LMO7: variants seen among roughly 807,000 people sequenced by gnomAD.
LMO7 encodes the protein LIM domain 7.
In LMO7, 120 loss-of-function variants were observed where a neutral mutation model predicts 206.5. The ratio of observed to expected loss-of-function variants is 0.58; its 90% confidence interval spans 0.50 to 0.68. LMO7 has a LOEUF of 0.68. LMO7 is among the 30% of genes least tolerant of loss of function. LMO7 has a pLI of 0.00. For missense variants in LMO7, 1,959 were observed against 1,957.9 expected (o/e 1.00, Z -0.01); for synonymous variants, 706 against 681.5 (o/e 1.04, Z -0.56).
intron 1 of LMO7, among the ~76,000 whole-genome samples, chr13:75,651,260 A>T (rs2139136556): frequency 6.6e-6 from 1 of 151,604 alleles, no homozygotes; most frequent in Admixed American, 6.6e-5. Context: ...CTTGATTATT[A>T]CCAAGTTATT....
At chr13:75,703,124 T>C (rs1031956578) in intron 1 of LMO7, among the ~76,000 whole-genome samples, 2 of 152,252 alleles carry the variant, frequency 1.3e-5, no homozygotes, top group African/African-American at 2.4e-5. Flanking sequence ...AGGAAGGCTC[T>C]TCCTCCAAAA....
At chr13:75,833,327 TG>T (rs2058841451) in intron 16 of LMO7, among the ~76,000 whole-genome samples, 162 bp downstream of exon 16, 1 of 152,136 alleles carries the variant, frequency 6.6e-6, no homozygotes, top group African/African-American at 2.4e-5. Context: ...GATTATTAGT[TG>T]GGGTTACAAA....
chr13:75,739,683 T>G (rs901424400), intron 3 of LMO7, among the ~76,000 whole-genome samples: 2 of 152,206 alleles, frequency 1.3e-5, no homozygotes. Flanking sequence ...TGTGACCTGC[T>G]CTATGTGGTG....
intron 2 of LMO7, among the ~76,000 whole-genome samples, chr13:75,723,438 A>G (rs949219157): frequency 5.3e-5 from 8 of 152,140 alleles, no homozygotes; most frequent in Non-Finnish European, 7.4e-5. Flanking sequence ...CATTGTGAAA[A>G]TCTTTGGAAA....
At chr13:75,805,295 T>C (rs2055296328) in intron 8 of LMO7, 184 bp from the exon 9 acceptor site, 2 of 940,862 alleles carry the variant, frequency 2.1e-6, no homozygotes, top group Non-Finnish European at 3.0e-6. Flanking sequence ...TATCTAGCTA[T>C]CCTTGAGTTA....
rs568217446 is a variant in LMO7, at chr13:75,694,535, A to G, written c.70-18647A>G. 3.8e-4 allele frequency among the ~76,000 whole-genome samples: 58 copies of G among 152,312 alleles called. 1 individual carries two copies. Among genetic ancestry groups the G allele is most frequent in the Non-Finnish European group, 7.8e-4 (53 of 68,032 alleles). On this transcript the variant is annotated intron_variant, in intron 1 of 30. Coordinates refer to ENST00000377534, the MANE Select transcript of LMO7 (RefSeq NM_001306080.2). ...TAGTAGAGGAGATTAAGGCAGAACA[A>G]TCCATAGGAGAATGTTGAGTGTCAC...
chr13:75,854,659 T>C (rs1233938819), intron 28 of LMO7, among the ~76,000 whole-genome samples: 2 of 152,118 alleles, frequency 1.3e-5, no homozygotes, highest in African/African-American at 4.8e-5. Context: ...CCTCCTCCCC[T>C]CTCTCCATGG....
intron 2 of LMO7, chr13:75,627,285 A>G (rs2034322849): frequency 6.6e-6 from 1 of 152,230 alleles, no homozygotes; most frequent in African/African-American, 2.4e-5. Context: ...ATTATAAAAT[A>G]GGCTTTGCAT....
intron 25 of LMO7, among the ~76,000 whole-genome samples, chr13:75,845,057 A>G (rs1432095330): frequency 1.3e-5 from 2 of 152,190 alleles, no homozygotes; most frequent in African/African-American, 4.8e-5. Context: ...TCAATAACTT[A>G]TAGTCTTCAT....
At position 75,800,857 on chromosome 13, in the gene LMO7, TA is replaced by T. The variant is rs2140925253; in HGVS notation, c.637del (p.Ile213SerfsTer3). ...GGTCATTGACAAGCTGCTCCTCTGATATCACGTTGAGAGGGGGGCGTGAAGG... is the reference window on the plus strand; with the variant it reads ...GGTCATTGACAAGCTGCTCCTCTGATTCACGTTGAGAGGGGGGCGTGAAGG... ...SRSLTSCSSD[I>X]TLRGGREGFE... On this transcript the variant is annotated frameshift_variant, in exon 7 of 31. Coordinates refer to ENST00000377534, the MANE Select transcript of LMO7 (RefSeq NM_001306080.2). LOFTEE classifies it high-confidence loss of function. 1.2e-6 allele frequency: 2 copies of T among 1,613,910 alleles called. No homozygotes were observed. The highest frequency in any genetic ancestry group is 4.5e-5 in the East Asian group (2 of 44,882).
intron 8 of LMO7, chr13:75,804,837 A>T (rs2055236389): frequency 9.2e-7 from 1 of 1,085,668 alleles, no homozygotes; most frequent in Non-Finnish European, 1.1e-6. Flanking sequence ...CATGCCATGT[A>T]ATGTTTTTCC....
In LMO7 at chr13:75,841,829, G is replaced by A. The variant is rs1595464449; in HGVS notation, c.3877G>A (p.Glu1293Lys). The A allele has an allele frequency of 7.4e-6, 12 of 1,613,716 alleles. No individual in the cohort carries two copies. The highest frequency in any genetic ancestry group is 1.3e-5 in the African/African-American group (1 of 74,888). Residue 1293 changes from glutamate to lysine, a missense_variant, in exon 24 of 31, where the codon GAG becomes AAG. Physicochemically the swap from Glu to Lys is moderately conservative, Grantham distance 56. Transcript: ENST00000377534. ...GAAGCCGCAGGATCAGCTTGTTATT[G>A]AGAGAGAGAGGAAATGGGAGCAACA... ...GKKPQDQLVI[E>K]RERKWEQQLQ...
At chr13:75,707,596 A>G (rs2042754728) in intron 1 of LMO7, among the ~76,000 whole-genome samples, 1 of 152,128 alleles carries the variant, frequency 6.6e-6, no homozygotes, top group African/African-American at 2.4e-5. Flanking sequence ...GAATATGCAT[A>G]TTTAAGACTT....
chr13:75,734,710 C>A (rs187632047), intron 3 of LMO7, among the ~76,000 whole-genome samples: 1 of 152,268 alleles, frequency 6.6e-6, no homozygotes, highest in African/African-American at 2.4e-5. Flanking sequence ...GTTCCCAGAG[C>A]AGCTGGGCTC....
chr13:75,767,417 C>G (rs1173197289), intron 4 of LMO7, among the ~76,000 whole-genome samples: 2 of 151,836 alleles, frequency 1.3e-5, no homozygotes, highest in Non-Finnish European at 2.9e-5. Context: ...AAGCAGGAAC[C>G]CATTGGAAAG....
intron 4 of LMO7, among the ~76,000 whole-genome samples, chr13:75,789,952 G>A (rs574072554): frequency 1.8e-4 from 28 of 152,222 alleles, no homozygotes; most frequent in Admixed American, 1.8e-3. Flanking sequence ...TTTGGCCAAG[G>A]CAGGCCCTGG....
intron 5 of LMO7, among the ~76,000 whole-genome samples, chr13:75,796,204 A>C (rs1180637595): frequency 1.3e-5 from 2 of 152,194 alleles, no homozygotes; most frequent in African/African-American, 4.8e-5. Flanking sequence ...ATTTTATGGA[A>C]ATTGCAAGAA....
intron 1 of LMO7, among the ~76,000 whole-genome samples, chr13:75,669,292 A>G (rs1406766536): frequency 6.6e-6 from 1 of 152,168 alleles, no homozygotes; most frequent in East Asian, 1.9e-4. Context: ...CATAGCATTC[A>G]TCGTACTTCC....
upstream of LMO7, among the ~76,000 whole-genome samples, chr13:75,634,938 G>A (rs180798068): frequency 1.3e-5 from 2 of 151,986 alleles, no homozygotes; most frequent in East Asian, 1.9e-4. Context: ...CCCAGGAGAC[G>A]GAGGTTGCAG....
Sources: allele counts gnomAD v4.1 joint callset (sites outside exome capture counted in the v4.1 genomes callset), GRCh38; gene constraint gnomAD v4.1.1; transcripts MANE v1.5; gene names NCBI Gene and HGNC (gene_info 2026-07-23, HGNC 2026-07-21).